CHST2: variants seen among roughly 807,000 people sequenced by gnomAD.
The protein encoded by CHST2 is carbohydrate sulfotransferase 2, also known as N-acetylglucosamine 6-O-sulfotransferase 1.
A neutral mutation model predicts 34.6 loss-of-function variants in CHST2; 23 were observed. That is an observed-to-expected ratio of 0.67 (90% CI 0.48 to 0.94). CHST2 has a LOEUF of 0.94. CHST2 is among the 40% of genes least tolerant of loss of function. The probability of loss-of-function intolerance (pLI) is 0.00; values close to 1 mark genes in which losing one functional copy is unlikely to be tolerated. For missense variants in CHST2, 720 were observed against 759.5 expected (o/e 0.95, Z 0.61); for synonymous variants, 392 against 343.1 (o/e 1.14, Z -1.58).
rs1009819677 is a variant in CHST2, at chr3:143,120,512, G to A, written c.-203G>A. Reference sequence around the variant, plus strand: ...GACAGTCCGCCGGGCGGTGATCCGGGGCCGCTCCCGGGCGCGCCCTCGGCT... The same window carrying A: ...GACAGTCCGCCGGGCGGTGATCCGGAGCCGCTCCCGGGCGCGCCCTCGGCT... On this transcript the variant is annotated 5_prime_UTR_variant, in exon 1 of 2. Coordinates refer to ENST00000309575, the MANE Select transcript of CHST2 (RefSeq NM_004267.5). The surrounding 1 kb of genome is among the most constrained non-coding windows in gnomAD (Gnocchi z 4.1). 4 of 214,342 alleles carry A rather than the reference G, an allele frequency of 1.9e-5. No individual in the cohort carries two copies. Among genetic ancestry groups the A allele is most frequent in the Non-Finnish European group, 9.2e-6 (1 of 108,944 alleles). The allele number at this position is 214,342 out of a possible 1,614,324, so 13.3% of individuals were successfully genotyped here. A position where few individuals can be genotyped will look rare whatever the true frequency, so the allele number is the denominator to read the frequency against.
In CHST2 at chr3:143,121,523, C is replaced by T. The variant is rs751106114; in HGVS notation, c.707C>T (p.Pro236Leu). 2.5e-6 allele frequency: 4 copies of T among 1,610,492 alleles called. No individual in the cohort carries two copies. The highest frequency in any genetic ancestry group is 2.2e-5 in the South Asian group (2 of 90,824). Residue 236 changes from proline to leucine, a missense_variant, in exon 2 of 2, where the codon CCC (proline) becomes CTC (leucine). Physicochemically the swap from Pro to Leu is moderately conservative, Grantham distance 98 (BLOSUM62 -3). This residue lies in a region of CHST2 where 166 missense variants were observed against 211.4 expected (regional missense o/e 0.79). Transcript: ENST00000309575. ...CDLSVFQLYS[P>L]AGSGGRNLTT... is the part of the protein sequence containing the mutation. The stretch of plus-strand genomic sequence containing the variant: ...CTCTCTGTCTTCCAGTTGTATAGCC[C>T]CGCGGGCAGCGGGGGGCGCAACCTC...
rs1936187011 is a variant in CHST2 at position 143,120,256 on chromosome 3, C to G, written c.-459C>G. 6.5e-6 allele frequency: 1 copy of G among 153,402 alleles called. No individual in the cohort carries two copies. The highest frequency in any genetic ancestry group is 1.4e-5 in the Non-Finnish European group (1 of 69,076). 9.5% of individuals were successfully genotyped at this position (153,402 alleles called of 1,614,324 possible). On this transcript the variant is annotated 5_prime_UTR_variant, in exon 1 of 2. Transcript: ENST00000309575. This position sits in a 1 kb window ranked among gnomAD's most constrained non-coding sequence, Gnocchi z 4.1. ...TCGTTCCCCTGAGCGAGACAGGAAG[C>G]TGCGGTCCCGAGAAAGCGGAGGAGA...
chr3:143,121,333 T>G lies in CHST2; in HGVS notation c.517T>G (p.Trp173Gly). ...GCAGCTGGTGTACGTGTTCACCACGTGGCGCTCTGGCTCGTCGTTCTTCGG... is the reference window on the plus strand; with the variant it reads ...GCAGCTGGTGTACGTGTTCACCACGGGGCGCTCTGGCTCGTCGTTCTTCGG... ...KRQLVYVFTT[W>G]RSGSSFFGEL... Residue 173 changes from tryptophan to glycine, a missense_variant, in exon 2 of 2, where the codon TGG (tryptophan) becomes GGG (glycine). Physicochemically the swap from Trp to Gly is radical, Grantham distance 184. Coordinates refer to ENST00000309575, the MANE Select transcript of CHST2 (RefSeq NM_004267.5). 6.2e-7 allele frequency: 1 copy of G among 1,613,516 alleles called. No individual in the cohort carries two copies. The highest frequency in any genetic ancestry group is 8.5e-7 in the Non-Finnish European group (1 of 1,179,988).
Position 143,123,867 on chromosome 3 carries a change from T to C in CHST2, c.*1458T>C, listed in dbSNP as rs1321822547. On this transcript the variant is annotated 3_prime_UTR_variant, in exon 2 of 2. Coordinates refer to ENST00000309575, the MANE Select transcript of CHST2 (RefSeq NM_004267.5). ...GGGAGAAAACCGTTACATTTTCCTG[T>C]AGTGGTTATGATGTTGTGTCCTGAA... The C allele has an allele frequency of 6.6e-6, 1 of 152,224 alleles. No homozygotes were observed. Among genetic ancestry groups the C allele is most frequent in the Non-Finnish European group, 1.5e-5 (1 of 68,034 alleles). 9.4% of individuals were successfully genotyped at this position (152,224 alleles called of 1,614,324 possible). A position where few individuals can be genotyped will look rare whatever the true frequency, so the allele number is the denominator to read the frequency against.
In CHST2 at chr3:143,122,062, C is replaced by T. The variant is rs767666530; in HGVS notation, c.1246C>T (p.Leu416=). 6.2e-6 allele frequency: 10 copies of T among 1,614,138 alleles called. No individual in the cohort carries two copies. The highest frequency in any genetic ancestry group is 8.5e-6 in the Non-Finnish European group (10 of 1,179,992). The change falls in exon 2 of 2, where the codon CTG becomes TTG. Residue 416 remains leucine (L), a synonymous_variant. Coordinates refer to ENST00000309575, the MANE Select transcript of CHST2 (RefSeq NM_004267.5). ...LQTALQPPDW[L]QGHYLVVRYE... is the part of the protein sequence containing the mutation. ...GACAGCCCTGCAGCCCCCTGACTGG[C>T]TGCAGGGCCACTACCTGGTGGTGCG...
chr3:143,121,977 A>C lies in CHST2; in HGVS notation c.1161A>C (p.Ala387=). ...AGAAGGAGGGCGTGGGCGGCCCCGCAGACTACCACGCTCTGGGCGCTATGG... is the reference window on the plus strand; with the variant it reads ...AGAAGGAGGGCGTGGGCGGCCCCGCCGACTACCACGCTCTGGGCGCTATGG... ...GAKKEGVGGP[A]DYHALGAMEV... is the part of the protein sequence containing the mutation. The change falls in exon 2 of 2, where the codon GCA becomes GCC. Residue 387 remains alanine (A), a synonymous_variant. Transcript: ENST00000309575. 2 of 1,594,390 alleles carry C rather than the reference A, an allele frequency of 1.3e-6. No homozygotes were observed. Among genetic ancestry groups the C allele is most frequent in the Non-Finnish European group, 1.7e-6 (2 of 1,170,864 alleles).
In CHST2 at chr3:143,120,079, C is replaced by T. The variant is rs1275340053; in HGVS notation, c.-636C>T. The T allele has an allele frequency of 6.6e-6, 1 of 152,468 alleles. No individual in the cohort carries two copies. Among genetic ancestry groups the T allele is most frequent in the African/African-American group, 2.4e-5 (1 of 41,428 alleles). The allele number at this position is 152,468 out of a possible 1,614,324, so 9.4% of individuals were successfully genotyped here. A position where few individuals can be genotyped will look rare whatever the true frequency, so the allele number is the denominator to read the frequency against. ...CTCCCGGTGATGGAAGCAGCCGCCG[C>T]CGCCGCTGCGGGGTCGCGCTGTGCC... On this transcript the variant is annotated 5_prime_UTR_variant, in exon 1 of 2. Coordinates refer to ENST00000309575, the MANE Select transcript of CHST2 (RefSeq NM_004267.5). This position sits in a 1 kb window ranked among gnomAD's most constrained non-coding sequence, Gnocchi z 4.1.
At position 143,122,252 on chromosome 3, in the gene CHST2, C is replaced by T; in HGVS notation, c.1436C>T (p.Ala479Val). The stretch of plus-strand genomic sequence containing the variant: ...GTATCTGCACGCAATGCCACGCAGG[C>T]CGCCAATGCCTGGCGGACCGCCCTC... ...FVVSARNATQ[A>V]ANAWRTALTF... Residue 479 changes from alanine to valine, a missense_variant, in exon 2 of 2, where the codon GCC becomes GTC. Physicochemically the swap from Ala to Val is moderately conservative, Grantham distance 64. Around this residue, in one of 4 missense-constraint regions of CHST2, gnomAD observed 224 missense variants for 227.8 expected, o/e 0.98. Transcript: ENST00000309575. The T allele has an allele frequency of 6.2e-7, 1 of 1,614,166 alleles. No homozygotes were observed. The highest frequency in any genetic ancestry group is 8.5e-7 in the Non-Finnish European group (1 of 1,180,036).
rs1357261085 is a variant in CHST2, at chr3:143,123,887, C to T, written c.*1478C>T. On this transcript the variant is annotated 3_prime_UTR_variant, in exon 2 of 2. Coordinates refer to ENST00000309575, the MANE Select transcript of CHST2 (RefSeq NM_004267.5). Reference sequence around the variant, plus strand: ...TCCTGTAGTGGTTATGATGTTGTGTCCTGAACCCATTTGGTACTGAAACAT... The same window carrying T: ...TCCTGTAGTGGTTATGATGTTGTGTTCTGAACCCATTTGGTACTGAAACAT... 6.6e-6 allele frequency: 1 copy of T among 152,134 alleles called. No homozygotes were observed. Among genetic ancestry groups the T allele is most frequent in the Non-Finnish European group, 1.5e-5 (1 of 68,030 alleles). The allele number at this position is 152,134 out of a possible 1,614,324, so 9.4% of individuals were successfully genotyped here. A position where few individuals can be genotyped will look rare whatever the true frequency, so the allele number is the denominator to read the frequency against.
chr3:143,121,031 A>G lies in CHST2; in HGVS notation c.215A>G (p.Asn72Ser), dbSNP rs748763639. The G allele has an allele frequency of 2.0e-5, 30 of 1,530,178 alleles. 1 individual carries two copies. The South Asian group carries it at 3.7e-4, about 19-fold the overall frequency. The allele number at this position is 1,530,178 out of a possible 1,614,324, so 94.8% of individuals were successfully genotyped here. A position where few individuals can be genotyped will look rare whatever the true frequency, so the allele number is the denominator to read the frequency against. Residue 72 changes from asparagine (N) to serine (S), a missense_variant, in exon 2 of 2, where the codon AAC becomes AGC. This residue lies in a region of CHST2 where 287 missense variants were observed against 242.7 expected (regional missense o/e 1.18). Transcript: ENST00000309575. ...CTGCTGCTGGTGCTCACTATGCTCA[A>G]CCTCCTGGACTACAAGTGGCACAAG... ...YALLLVLTMLNLLDYKWHKEP... is the reference protein window; with the variant it reads ...YALLLVLTMLSLLDYKWHKEP...
Position 143,121,012 on chromosome 3 carries a change from C to T in CHST2, c.196C>T (p.Leu66=), listed in dbSNP as rs755799531. The change falls in exon 2 of 2, where the codon CTG becomes TTG. Residue 66 remains leucine (L), a synonymous_variant. Coordinates refer to ENST00000309575, the MANE Select transcript of CHST2 (RefSeq NM_004267.5). ...GTTGTGCGCGGGCTATGCACTGCTG[C>T]TGGTGCTCACTATGCTCAACCTCCT... is the stretch of plus-strand genomic sequence containing the variant. ...LVLCAGYALL[L]VLTMLNLLDY... 1.8e-5 allele frequency: 28 copies of T among 1,539,868 alleles called. No individual in the cohort carries two copies. In the South Asian group the frequency reaches 3.2e-4, roughly 17 times the overall value.
chr3:143,119,863 G>T lies in CHST2; in HGVS notation c.-852G>T, dbSNP rs1936178936. On this transcript the variant is annotated 5_prime_UTR_variant, in exon 1 of 2. Transcript: ENST00000309575. Reference sequence around the variant, plus strand: ...GGCGCCGCTTTCGCGCGGCGGCGGCGGCTGCGGCGGGGTCTTTCTTTGCTT... The same window carrying T: ...GGCGCCGCTTTCGCGCGGCGGCGGCTGCTGCGGCGGGGTCTTTCTTTGCTT... The T allele has an allele frequency of 1.3e-5, 2 of 152,814 alleles. No individual in the cohort carries two copies. Among genetic ancestry groups the T allele is most frequent in the African/African-American group, 2.4e-5 (1 of 41,388 alleles). 9.5% of individuals were successfully genotyped at this position (152,814 alleles called of 1,614,324 possible).
chr3:143,121,329 C>A lies in CHST2; in HGVS notation c.513C>A (p.Thr171=). ...AGCGGCAGCTGGTGTACGTGTTCAC[C>A]ACGTGGCGCTCTGGCTCGTCGTTCT... The part of the protein sequence containing the change: ...GDKRQLVYVF[T]TWRSGSSFFG... The change falls in exon 2 of 2, where the codon ACC becomes ACA. Residue 171 remains threonine (T), a synonymous_variant. Coordinates refer to ENST00000309575, the MANE Select transcript of CHST2 (RefSeq NM_004267.5). The A allele has an allele frequency of 3.1e-6, 5 of 1,613,520 alleles. No individual in the cohort carries two copies. Among genetic ancestry groups the A allele is most frequent in the Non-Finnish European group, 3.4e-6 (4 of 1,180,006 alleles).
Position 143,120,570 on chromosome 3 carries a change from G to A in CHST2, c.-174+29G>A. 1 of 265,038 alleles carries A rather than the reference G, an allele frequency of 3.8e-6. No individual in the cohort carries two copies. Among genetic ancestry groups the A allele is most frequent in the Non-Finnish European group, 6.9e-6 (1 of 144,080 alleles). The allele number at this position is 265,038 out of a possible 1,614,324, so 16.4% of individuals were successfully genotyped here. A position where few individuals can be genotyped will look rare whatever the true frequency, so the allele number is the denominator to read the frequency against. On this transcript the variant is annotated intron_variant, in intron 1 of 1. Transcript: ENST00000309575. The surrounding 1 kb of genome is among the most constrained non-coding windows in gnomAD (Gnocchi z 4.1). ...AGCGGAGGAACCGGGCAGAACCGAG[G>A]GTGGGCGTTACTTAGGAGGAGGAGG...
chr3:143,121,569 C>G lies in CHST2; in HGVS notation c.753C>G (p.Gly251=). Residue 251 remains glycine, a synonymous_variant, in exon 2 of 2, where the codon GGC becomes GGG. Coordinates refer to ENST00000309575, the MANE Select transcript of CHST2 (RefSeq NM_004267.5). ...ACCTCACCACGCTGGGCATCTTCGG[C>G]GCAGCCACCAACAAGGTGGTGTGCT... ...GRNLTTLGIF[G]AATNKVVCSS... 1.2e-6 allele frequency: 2 copies of G among 1,609,518 alleles called. No homozygotes were observed. Among genetic ancestry groups the G allele is most frequent in the Non-Finnish European group, 1.7e-6 (2 of 1,177,654 alleles).
At position 143,122,617 on chromosome 3, in the gene CHST2, C is replaced by A; in HGVS notation, c.*208C>A. On this transcript the variant is annotated 3_prime_UTR_variant, in exon 2 of 2. Transcript: ENST00000309575. ...CAAAATACACACCCCTAAGAAAAGG[C>A]AAGACTTGAACGTTCTGACCAGGTG... The A allele has an allele frequency of 2.0e-6, 1 of 490,304 alleles. No individual in the cohort carries two copies. Among genetic ancestry groups the A allele is most frequent in the East Asian group, 3.5e-5 (1 of 28,858 alleles). The allele number at this position is 490,304 out of a possible 1,614,324, so 30.4% of individuals were successfully genotyped here.
In CHST2 at chr3:143,122,519, TTATAGA is replaced by T; in HGVS notation, c.*115_*120del. On this transcript the variant is annotated 3_prime_UTR_variant, in exon 2 of 2. Transcript: ENST00000309575. ...AAACGGAGGAAGCCCACATATTCTA[TTATAGA>T]TATATAAATAATCACACACACACTT... 2 of 1,077,192 alleles carry T rather than the reference TTATAGA, an allele frequency of 1.9e-6. No individual in the cohort carries two copies. Among genetic ancestry groups the T allele is most frequent in the Non-Finnish European group, 2.6e-6 (2 of 773,502 alleles). 66.7% of individuals were successfully genotyped at this position (1,077,192 alleles called of 1,614,324 possible).
At position 143,124,003 on chromosome 3, in the gene CHST2, A is replaced by G. The variant is rs1936266449; in HGVS notation, c.*1594A>G. 1 of 152,242 alleles carries G rather than the reference A, an allele frequency of 6.6e-6. No individual in the cohort carries two copies. Among genetic ancestry groups the G allele is most frequent in the African/African-American group, 2.4e-5 (1 of 41,478 alleles). The allele number at this position is 152,242 out of a possible 1,614,324, so 9.4% of individuals were successfully genotyped here. A position where few individuals can be genotyped will look rare whatever the true frequency, so the allele number is the denominator to read the frequency against. Reference sequence around the variant, plus strand: ...TGTATATGACAGTAAATACAGTACAAGTTCACTATCATCATGGTTTTATTT... The same window carrying G: ...TGTATATGACAGTAAATACAGTACAGGTTCACTATCATCATGGTTTTATTT... On this transcript the variant is annotated 3_prime_UTR_variant, in exon 2 of 2. Transcript: ENST00000309575.
At position 143,122,050 on chromosome 3, in the gene CHST2, C is replaced by T; in HGVS notation, c.1234C>T (p.Pro412Ser). The T allele has an allele frequency of 6.2e-7, 1 of 1,613,866 alleles. No homozygotes were observed. Among genetic ancestry groups the T allele is most frequent in the Non-Finnish European group, 8.5e-7 (1 of 1,179,900 alleles). Residue 412 changes from proline (P) to serine (S), a missense_variant, in exon 2 of 2, where the codon CCC becomes TCC. Coordinates refer to ENST00000309575, the MANE Select transcript of CHST2 (RefSeq NM_004267.5). ...MAKTLQTALQ[P>S]PDWLQGHYLV... The stretch of plus-strand genomic sequence containing the variant: ...TAAGACGCTGCAGACAGCCCTGCAG[C>T]CCCCTGACTGGCTGCAGGGCCACTA...
Sources: allele counts gnomAD v4.1 joint callset, GRCh38; gene constraint gnomAD v4.1.1; regional missense constraint gnomAD v4.1.1; non-coding constraint Gnocchi (gnomAD v3.1); transcripts MANE v1.5; gene names NCBI Gene and HGNC (gene_info 2026-07-23, HGNC 2026-07-21).